FHOD3: variants seen among roughly 807,000 people sequenced by gnomAD.
FHOD3 encodes the protein formin homology 2 domain containing 3.
Under a neutral mutation model 173.0 loss-of-function variants are expected in FHOD3, and 90 were observed. The observed-to-expected ratio is 0.52, with a 90% CI of 0.44 to 0.62. The LOEUF is 0.62. Ranked by LOEUF, FHOD3 falls within the 20% of genes least tolerant of loss-of-function variation. The probability of loss-of-function intolerance (pLI) is 0.00; values close to 1 mark genes in which losing one functional copy is unlikely to be tolerated. For synonymous variants in FHOD3, 828 were observed against 823.0 expected (o/e 1.01, Z -0.10); for missense variants, 1,945 against 2,034.7 (o/e 0.96, Z 0.85).
chr18:36,645,257 C>G (rs1205710808), intron 10 of FHOD3, among the ~76,000 whole-genome samples: 3 of 152,046 alleles, frequency 2.0e-5, no homozygotes, highest in African/African-American at 7.2e-5. Context: ...CTCATCTCTA[C>G]TAAAAATACA....
In FHOD3 at chr18:36,594,802, A is replaced by G; in HGVS notation, c.622A>G (p.Lys208Glu). The G allele has an allele frequency of 1.2e-6, 2 of 1,613,508 alleles. No homozygotes were observed. Among genetic ancestry groups the G allele is most frequent in the Non-Finnish European group, 1.7e-6 (2 of 1,179,650 alleles). The change falls in exon 7 of 29, where the codon AAG becomes GAG. Residue 208 changes from lysine (K) to glutamate (E), a missense_variant. Lys to Glu is a moderately conservative substitution (Grantham distance 56). Transcript: ENST00000590592. ...LIGSKFRLVV[K>E]TALKLLLVFV... ...CTTCTGCCAGTTCCGCCTGGTGGTG[A>G]AGACAGCCCTGAAGCTGCTGCTCGT...
intron 9 of FHOD3, among the ~76,000 whole-genome samples, chr18:36,613,415 A>G (rs946980835): frequency 6.6e-6 from 1 of 152,182 alleles, no homozygotes; most frequent in Non-Finnish European, 1.5e-5. Context: ...GTACTTAACT[A>G]TGAGAGTGTT....
Position 36,676,086 on chromosome 18 carries a change from T to C in FHOD3, c.1836-5350T>C, listed in dbSNP as rs534763760. Among the ~76,000 whole-genome samples the C allele has an allele frequency of 4.6e-5, 7 of 152,278 alleles. No homozygotes were observed. The South Asian group carries it at 6.2e-4, about 14-fold the overall frequency. On this transcript the variant is annotated intron_variant, in intron 14 of 28. Coordinates refer to ENST00000590592, the MANE Select transcript of FHOD3 (RefSeq NM_001281740.3). ...GAAAATTTTAGATAAATCTAGAAAGTTATAGAGCAATAAAGAGTATCAGAT... is the reference window on the plus strand; with the variant it reads ...GAAAATTTTAGATAAATCTAGAAAGCTATAGAGCAATAAAGAGTATCAGAT...
chr18:36,709,985 ATTCTT>A (rs1160985101), intron 18 of FHOD3: 1 of 152,454 alleles, frequency 6.6e-6, no homozygotes, highest in Non-Finnish European at 1.5e-5. Flanking sequence ...ACTCATAACT[ATTCTT>A]TTCTTTGTAT....
chr18:36,702,925 C>T (rs138937507), intron 17 of FHOD3, among the ~76,000 whole-genome samples: 40 of 152,282 alleles, frequency 2.6e-4, no homozygotes, highest in African/African-American at 6.0e-4. Flanking sequence ...ATTAACAGCC[C>T]GAGCTTTGCA....
At chr18:36,749,945 C>CT (rs1023629207) in intron 24 of FHOD3, among the ~76,000 whole-genome samples, 206 of 147,368 alleles carry the variant, frequency 1.4e-3, no homozygotes, top group African/African-American at 3.8e-3. Flanking sequence ...GATGTTGAGC[C>CT]TTTTTTTTTT....
intron 3 of FHOD3, among the ~76,000 whole-genome samples, chr18:36,404,209 GC>G (rs1402989803): frequency 3.3e-5 from 5 of 152,174 alleles, no homozygotes; most frequent in African/African-American, 1.2e-4. Flanking sequence ...CAGTCTACAA[GC>G]TTTTCTGGAC....
At chr18:36,550,978 C>T (rs1326858854) in intron 5 of FHOD3, among the ~76,000 whole-genome samples, 1 of 152,128 alleles carries the variant, frequency 6.6e-6, no homozygotes, top group East Asian at 1.9e-4. Context: ...GAGTAGACAT[C>T]CTTGTCTTAC....
chr18:36,625,119 G>C (rs1260366156), intron 9 of FHOD3, among the ~76,000 whole-genome samples: 1 of 152,182 alleles, frequency 6.6e-6, no homozygotes, highest in Non-Finnish European at 1.5e-5. Flanking sequence ...CCACCACTAG[G>C]CTTCAGGAGA....
At chr18:36,469,374 C>T (rs1002744401) in intron 3 of FHOD3, among the ~76,000 whole-genome samples, 7 of 152,152 alleles carry the variant, frequency 4.6e-5, no homozygotes, top group Non-Finnish European at 7.3e-5. Context: ...CTTTTATCGC[C>T]GAGCTGCCCA....
intron 5 of FHOD3, among the ~76,000 whole-genome samples, chr18:36,515,738 T>C (rs1346405801): frequency 2.0e-5 from 3 of 152,196 alleles, no homozygotes; most frequent in East Asian, 1.9e-4. Context: ...TATATTTCCA[T>C]TGCCACCACC....
intron 10 of FHOD3, among the ~76,000 whole-genome samples, chr18:36,626,675 C>T (rs1221466863): frequency 6.6e-6 from 1 of 152,198 alleles, no homozygotes; most frequent in Non-Finnish European, 1.5e-5. Context: ...GCTCATATCA[C>T]TTGGCTGGAT....
intron 5 of FHOD3, among the ~76,000 whole-genome samples, chr18:36,531,772 C>T (rs949081693): frequency 1.3e-5 from 2 of 152,188 alleles, no homozygotes; most frequent in Admixed American, 6.5e-5. Flanking sequence ...GCTCCTGTCC[C>T]ACGTCTTCCG....
chr18:36,441,240 G>C (rs956065877), intron 3 of FHOD3, among the ~76,000 whole-genome samples: 2 of 152,124 alleles, frequency 1.3e-5, no homozygotes, highest in Non-Finnish European at 2.9e-5. Flanking sequence ...CCCACAGGCT[G>C]CACCTGCCCA....
At chr18:36,475,747 A>G (rs2053530354) in intron 3 of FHOD3, among the ~76,000 whole-genome samples, 1 of 119,862 alleles carries the variant, frequency 8.3e-6, no homozygotes, top group Admixed American at 9.3e-5. Flanking sequence ...CATATATAGA[A>G]ACATACACAC....
chr18:36,724,708 C>T (rs558363347), intron 19 of FHOD3, among the ~76,000 whole-genome samples: 2 of 152,198 alleles, frequency 1.3e-5, no homozygotes, highest in African/African-American at 2.4e-5. Context: ...CTCCCTCTCC[C>T]TGCAGTGTTC....
chr18:36,309,418 C>T (rs2092193277), intron 1 of FHOD3, among the ~76,000 whole-genome samples: 1 of 152,162 alleles, frequency 6.6e-6, no homozygotes, highest in African/African-American at 2.4e-5. Flanking sequence ...GCCCTTCTTG[C>T]CAAACACGGA....
At chr18:36,738,441 A>G (rs2041747101) in intron 20 of FHOD3, among the ~76,000 whole-genome samples, 1 of 152,234 alleles carries the variant, frequency 6.6e-6, no homozygotes, top group Admixed American at 6.5e-5. Flanking sequence ...TCACAAAGCA[A>G]AAGTTTTTAA....
At chr18:36,522,216 A>G (rs2056310949) in intron 5 of FHOD3, among the ~76,000 whole-genome samples, 1 of 152,202 alleles carries the variant, frequency 6.6e-6, no homozygotes, top group Admixed American at 6.5e-5. Flanking sequence ...GCTCAGTGAA[A>G]ATGAGCTGAC....
Sources: gnomAD v4.1 joint callset for allele counts (sites outside exome capture counted in the v4.1 genomes callset) on GRCh38, gnomAD v4.1.1 for gene constraint, MANE v1.5 for transcripts, NCBI Gene and HGNC (gene_info 2026-07-23, HGNC 2026-07-21) for gene names.